PCMT1: variants seen among roughly 807,000 people sequenced by gnomAD.
PCMT1 encodes the protein protein-L-isoaspartate (D-aspartate) O-methyltransferase.
PCMT1 carries 9 observed loss-of-function variants against 29.2 expected under a neutral mutation model. The ratio of observed to expected loss-of-function variants is 0.31; its 90% CI spans 0.19 to 0.54. The LOEUF (loss-of-function observed/expected upper bound fraction) is 0.54. Among genes scored for constraint, PCMT1 ranks in the 20% least tolerant of loss-of-function variants. The probability of loss-of-function intolerance (pLI) is 0.95; values close to 1 mark genes in which losing one functional copy is unlikely to be tolerated. For synonymous variants in PCMT1, 98 were observed against 97.5 expected, an observed-to-expected ratio of 1.00 and a Z score of -0.03; for missense variants, 184 against 282.2, an observed-to-expected ratio of 0.65 and a Z score of 2.49.
intron 1 of PCMT1, among the ~76,000 whole-genome samples, chr6:149,752,808 C>G (rs1786375624): frequency 6.6e-6 from 1 of 151,962 alleles, no homozygotes; most frequent in Admixed American, 6.6e-5. Context: ...CTCTTAAAGT[C>G]TCTCCTTTTT....
At chr6:149,805,779 A>T (rs1378467863) in intron 7 of PCMT1, among the ~76,000 whole-genome samples, 1 of 150,938 alleles carries the variant, frequency 6.6e-6, no homozygotes, top group Non-Finnish European at 1.5e-5. Context: ...CTACTAAAAA[A>T]ACAATACAAA....
intron 3 of PCMT1, among the ~76,000 whole-genome samples, chr6:149,777,680 C>T (rs1583027927): frequency 6.6e-6 from 1 of 152,104 alleles, no homozygotes; most frequent in African/African-American, 2.4e-5. Flanking sequence ...AAAATAATTT[C>T]TTCTAAGATA....
intron 7 of PCMT1, among the ~76,000 whole-genome samples, chr6:149,807,225 GTGGAATTGTGTTCATGACTA>G (rs1309149369): frequency 1.3e-5 from 2 of 152,162 alleles, no homozygotes; most frequent in African/African-American, 2.4e-5. Flanking sequence ...CCTAGAATCT[GTGGAATTGTGTTCATGACTA>G]TGGACATGTA....
chr6:149,762,651 A>ATATATC (rs68191825), intron 1 of PCMT1, among the ~76,000 whole-genome samples: 63 of 3,256 alleles, frequency 0.019, 23 homozygotes, highest in Admixed American at 0.023. Flanking sequence ...TATGATATAT[A>ATATATC]TATGATATAT....
intron 7 of PCMT1, among the ~76,000 whole-genome samples, chr6:149,804,080 C>CAA (rs58975454): frequency 0.05 from 3,726 of 74,274 alleles, 251 homozygotes; most frequent in African/African-American, 0.13. Context: ...GACTCTGTCT[C>CAA]AAAAAAAAAA....
chr6:149,784,191 G>A (rs1336877517), intron 3 of PCMT1, among the ~76,000 whole-genome samples: 1 of 152,178 alleles, frequency 6.6e-6, no homozygotes, highest in African/African-American at 2.4e-5. Flanking sequence ...TTTCTGGTTT[G>A]AAAGTTTGAA....
At chr6:149,758,208 C>CTTTCTTTCTTTTTTTTTTTTTT (rs1554251094) in intron 1 of PCMT1, among the ~76,000 whole-genome samples, 6 of 73,908 alleles carry the variant, frequency 8.1e-5, no homozygotes, top group East Asian at 2.0e-3. Flanking sequence ...TTCTTTCTTT[C>CTTTCTTTCTTTTTTTTTTTTTT]TTTTTTTTTT....
In PCMT1 at chr6:149,776,739, C is replaced by T. The variant is rs118078854; in HGVS notation, c.192+3570C>T. 5.9e-5 allele frequency among the ~76,000 whole-genome samples: 9 copies of T among 152,180 alleles called. No homozygotes were observed. The East Asian group carries it at 1.7e-3, about 29-fold the overall frequency. ...ATCTTCACTTATACTTAGTAAATTG[C>T]AAATTAGCACTATAATGAGGTACCA... is the stretch of plus-strand genomic sequence containing the variant. On this transcript the variant is annotated intron_variant, in intron 3 of 7. Transcript: ENST00000464889.
At chr6:149,764,205 G>T (rs1201840955) in intron 1 of PCMT1, among the ~76,000 whole-genome samples, 3 of 152,156 alleles carry the variant, frequency 2.0e-5, no homozygotes, top group African/African-American at 7.2e-5. Flanking sequence ...GCAGTATAGT[G>T]AAGTGATCAT....
intron 1 of PCMT1, among the ~76,000 whole-genome samples, chr6:149,750,547 CG>C (rs910300734): frequency 2.0e-5 from 3 of 152,014 alleles, no homozygotes; most frequent in African/African-American, 7.2e-5. Context: ...ATTTCTCGGG[CG>C]GCTGTCCAGT....
intron 1 of PCMT1, among the ~76,000 whole-genome samples, chr6:149,754,312 T>C (rs1327985320): frequency 6.6e-6 from 1 of 152,214 alleles, no homozygotes; most frequent in Non-Finnish European, 1.5e-5. Context: ...AATTATTTTA[T>C]GATTATGGAC....
At chr6:149,786,598 T>C (rs1356000309) in intron 3 of PCMT1, among the ~76,000 whole-genome samples, 29 of 106,176 alleles carry the variant, frequency 2.7e-4, no homozygotes, top group Admixed American at 9.7e-4. Flanking sequence ...ACTTCTCAGA[T>C]GGGGCGGCCG....
chr6:149,806,898 C>A (rs867944464), intron 7 of PCMT1, among the ~76,000 whole-genome samples: 3 of 152,196 alleles, frequency 2.0e-5, no homozygotes, highest in Middle Eastern at 3.4e-3. Context: ...AAACTTTCTT[C>A]AGGATTACTT....
At chr6:149,805,793 T>A (rs1174709324) in intron 7 of PCMT1, among the ~76,000 whole-genome samples, 1 of 150,914 alleles carries the variant, frequency 6.6e-6, no homozygotes, top group African/African-American at 2.4e-5. Flanking sequence ...ATACAAAAAT[T>A]AGCTGGGCGT....
At chr6:149,808,826 C>T (rs536268517) in intron 7 of PCMT1, among the ~76,000 whole-genome samples, 29 of 151,782 alleles carry the variant, frequency 1.9e-4, no homozygotes, top group East Asian at 9.9e-4. Flanking sequence ...TTAGTAGAGA[C>T]GAGGTTTCAC....
At chr6:149,760,784 G>A (rs547581921) in intron 1 of PCMT1, among the ~76,000 whole-genome samples, 139 of 152,190 alleles carry the variant, frequency 9.1e-4, no homozygotes, top group African/African-American at 3.3e-3. Flanking sequence ...CCAGGGAGTC[G>A]GAGGTTGCAG....
intron 7 of PCMT1, among the ~76,000 whole-genome samples, chr6:149,806,505 T>C (rs1163754597): frequency 6.6e-6 from 1 of 152,212 alleles, no homozygotes; most frequent in Non-Finnish European, 1.5e-5. Context: ...TTCTGGGAAT[T>C]ATCATCTAAA....
chr6:149,751,555 C>A (rs1786323062), intron 1 of PCMT1, among the ~76,000 whole-genome samples: 1 of 147,728 alleles, frequency 6.8e-6, no homozygotes, highest in Non-Finnish European at 1.5e-5. Context: ...GGTCTTAGCT[C>A]ACTGCAACCT....
At chr6:149,762,133 G>A (rs1023247218) in intron 1 of PCMT1, among the ~76,000 whole-genome samples, 2 of 151,510 alleles carry the variant, frequency 1.3e-5, no homozygotes, top group South Asian at 2.1e-4. Flanking sequence ...CTCTGTGCCC[G>A]TTTTCACCCA....
Sources: allele counts gnomAD v4.1 joint callset (sites outside exome capture counted in the v4.1 genomes callset), GRCh38; gene constraint gnomAD v4.1.1; transcripts MANE v1.5; gene names NCBI Gene and HGNC (gene_info 2026-07-23, HGNC 2026-07-21).